The following GPHN variants were observed in gnomAD, a reference collection of about 807,000 sequenced individuals.
GPHN encodes the protein gephyrin.
GPHN carries 17 observed loss-of-function variants against 95.5 expected under a neutral mutation model. The ratio of observed to expected loss-of-function variants is 0.18; its 90% CI spans 0.12 to 0.27. The LOEUF (loss-of-function observed/expected upper bound fraction) is 0.27, where lower values mean the gene tolerates loss of function less well. GPHN is among the 10% of genes least tolerant of loss of function. The pLI is 1.00. For missense variants in GPHN, 660 were observed against 978.1 expected (o/e 0.67, Z 4.34); for synonymous variants, 320 against 322.5 (o/e 0.99, Z 0.08).
chr14:66,933,519 G>A (rs956021973), intron 8 of GPHN, among the ~76,000 whole-genome samples: 1 of 152,172 alleles, frequency 6.6e-6, no homozygotes, highest in African/African-American at 2.4e-5. Context: ...CACAATCTGA[G>A]GCATGTGAAG....
intron 17 of GPHN, among the ~76,000 whole-genome samples, chr14:67,140,255 G>A (rs2080370900): frequency 6.6e-6 from 1 of 152,006 alleles, no homozygotes; most frequent in African/African-American, 2.4e-5. Context: ...ATGTTGGCAG[G>A]CACCTGTAAT....
intron 9 of GPHN, among the ~76,000 whole-genome samples, chr14:67,004,918 G>A (rs2072498366): frequency 6.6e-6 from 1 of 151,634 alleles, no homozygotes. Flanking sequence ...TGACTTACTG[G>A]AGGAGAATGC....
chr14:67,207,507 C>G, the GPHN span, among the ~76,000 whole-genome samples: 1 of 151,794 alleles, frequency 6.6e-6, no homozygotes, highest in Non-Finnish European at 1.5e-5. Context: ...TTGGAGGTCA[C>G]ATTTCAACAT....
At chr14:66,629,093 A>T (rs1009542385) in intron 1 of GPHN, among the ~76,000 whole-genome samples, 1 of 137,198 alleles carries the variant, frequency 7.3e-6, no homozygotes, top group African/African-American at 2.7e-5. Context: ...ATATATATAT[A>T]TAAATATATA....
intron 1 of GPHN, among the ~76,000 whole-genome samples, chr14:66,629,732 A>T (rs1477191638): frequency 6.6e-6 from 1 of 152,182 alleles, no homozygotes; most frequent in Non-Finnish European, 1.5e-5. Flanking sequence ...TATGATGGCT[A>T]TGACATCACT....
At chr14:67,216,302 T>A in the GPHN span, among the ~76,000 whole-genome samples, 1 of 152,194 alleles carries the variant, frequency 6.6e-6, no homozygotes, top group Non-Finnish European at 1.5e-5. Flanking sequence ...TTTTTTGTCA[T>A]GTCCTTGTCT....
the GPHN span, among the ~76,000 whole-genome samples, chr14:67,530,899 G>C: frequency 1.3e-3 from 197 of 152,264 alleles, 1 homozygote; most frequent in Admixed American, 2.7e-3. Context: ...AAAAGAAGAC[G>C]AATGGCCTCC....
chr14:66,824,328 T>C, intron 3 of GPHN, 146 bp from the exon 4 acceptor site: 1 of 587,022 alleles, frequency 1.7e-6, no homozygotes. Flanking sequence ...GTGAAACTGT[T>C]CCATGAATTG....
At chr14:67,438,910 C>T in the GPHN span, among the ~76,000 whole-genome samples, 12 of 149,884 alleles carry the variant, frequency 8.0e-5, 1 homozygote, top group South Asian at 8.6e-4. Flanking sequence ...TGGATTCTCA[C>T]ACCCAGAGGG....
intron 2 of GPHN, among the ~76,000 whole-genome samples, chr14:66,741,499 A>G (rs1419759559): frequency 6.6e-6 from 1 of 152,076 alleles, no homozygotes; most frequent in Non-Finnish European, 1.5e-5. Flanking sequence ...CATTAATATA[A>G]AAGGTTGGGG....
At chr14:66,938,964 A>G (rs533143183) in intron 8 of GPHN, among the ~76,000 whole-genome samples, 3 of 152,346 alleles carry the variant, frequency 2.0e-5, no homozygotes, top group South Asian at 4.1e-4. Context: ...TTTTCAAAAA[A>G]TGGTCCTGGG....
chr14:67,687,340 G>A, the GPHN span, among the ~76,000 whole-genome samples: 2 of 152,100 alleles, frequency 1.3e-5, no homozygotes, highest in Non-Finnish European at 2.9e-5. Context: ...ACCAGTCTCA[G>A]CTCAGATCTT....
the GPHN span, among the ~76,000 whole-genome samples, chr14:67,623,348 C>A: frequency 6.6e-6 from 1 of 152,150 alleles, no homozygotes; most frequent in African/African-American, 2.4e-5. Flanking sequence ...AGGAGAGACT[C>A]ATGGAAAGGT....
chr14:67,044,328 ACT>A (rs1341389663), intron 10 of GPHN, among the ~76,000 whole-genome samples: 2 of 151,608 alleles, frequency 1.3e-5, no homozygotes, highest in African/African-American at 2.4e-5. Context: ...CAGAGACAAG[ACT>A]CTGTCTCAAA....
chr14:67,401,314 T>A, the GPHN span, among the ~76,000 whole-genome samples: 1 of 151,914 alleles, frequency 6.6e-6, no homozygotes, highest in Non-Finnish European at 1.5e-5. Context: ...TAGGAAGACC[T>A]CATCTCTATT....
chr14:67,573,971 CAA>C, the GPHN span: 2 of 976,456 alleles, frequency 2.0e-6, no homozygotes, highest in Middle Eastern at 2.3e-4. The surrounding 1 kb of genome is among the most constrained non-coding windows in gnomAD (Gnocchi z 4.8). Flanking sequence ...AAGATGGGGC[CAA>C]ATGAGCATGA....
the GPHN span, chr14:67,729,194 C>T: frequency 1.4e-4 from 218 of 1,612,798 alleles, no homozygotes; most frequent in Middle Eastern, 1.7e-4. Context: ...GTCCCAGGCA[C>T]CGGGGTCACC....
Position 67,095,347 on chromosome 14 carries a change from C to G in GPHN, c.1238-5509C>G, listed in dbSNP as rs542416705. ...CTGTTGGTGGGACTGTAAACTAGTT[C>G]AACCACTGTGGAAGTCAGTGTGGCG... is the stretch of plus-strand genomic sequence containing the variant. On this transcript the variant is annotated intron_variant, in intron 12 of 22. Transcript: ENST00000478722. Among the ~76,000 whole-genome samples, 7 of 152,294 alleles carry G rather than the reference C, an allele frequency of 4.6e-5. No homozygotes were observed. The South Asian group carries it at 1.5e-3, about 32-fold the overall frequency.
intron 17 of GPHN, among the ~76,000 whole-genome samples, chr14:67,138,657 T>C (rs994326634): frequency 2.0e-5 from 3 of 152,062 alleles, no homozygotes; most frequent in Non-Finnish European, 4.4e-5. Flanking sequence ...TACTGTTATG[T>C]TGGAAATGTT....
Sources: allele counts gnomAD v4.1 joint callset (sites outside exome capture counted in the v4.1 genomes callset), GRCh38; gene constraint gnomAD v4.1.1; non-coding constraint Gnocchi (gnomAD v3.1); transcripts MANE v1.5; gene names NCBI Gene and HGNC (gene_info 2026-07-23, HGNC 2026-07-21).